CREB5: variants seen among roughly 807,000 people sequenced by gnomAD.
CREB5 encodes the protein cAMP responsive element binding protein 5.
In CREB5, 19 loss-of-function variants were observed where a neutral mutation model predicts 57.1. The ratio of observed to expected loss-of-function variants is 0.33; its 90% confidence interval spans 0.23 to 0.49. CREB5 has a LOEUF of 0.49. Ranked by LOEUF, CREB5 falls within the 20% of genes least tolerant of loss-of-function variation. CREB5 has a pLI of 0.99. For synonymous variants in CREB5, 238 were observed against 238.3 expected (o/e 1.00, Z 0.01); for missense variants, 579 against 671.6 (o/e 0.86, Z 1.52).
At chr7:28,410,352 G>T (rs1474874367), upstream of CREB5, 1 of 456,550 alleles carries the variant, frequency 2.2e-6, no homozygotes, top group African/African-American at 2.0e-5. Flanking sequence ...GAGCTTTGGC[G>T]GCGCCCAGGC....
At chr7:28,648,813 C>T (rs1799009819) in intron 5 of CREB5, among the ~76,000 whole-genome samples, 1 of 152,076 alleles carries the variant, frequency 6.6e-6, no homozygotes, top group Non-Finnish European at 1.5e-5. Context: ...TGAGAATTTC[C>T]ATAATATACT....
chr7:28,657,150 C>G (rs975280214), intron 5 of CREB5, among the ~76,000 whole-genome samples: 2 of 152,168 alleles, frequency 1.3e-5, no homozygotes, highest in Non-Finnish European at 1.5e-5. Context: ...ACCTGCCATA[C>G]TGACAGAGGG....
At chr7:28,715,187 T>A (rs947601351) in intron 5 of CREB5, among the ~76,000 whole-genome samples, 2 of 152,224 alleles carry the variant, frequency 1.3e-5, no homozygotes, top group African/African-American at 4.8e-5. Flanking sequence ...ACTGTGAATT[T>A]TTTAACATAA....
chr7:28,709,962 C>T (rs1248577241), intron 5 of CREB5, among the ~76,000 whole-genome samples: 1 of 152,162 alleles, frequency 6.6e-6, no homozygotes, highest in African/African-American at 2.4e-5. Flanking sequence ...AAAGTACGAC[C>T]TTATTGCAGG....
intron 9 of CREB5, among the ~76,000 whole-genome samples, chr7:28,816,055 G>GCACACACA (rs34917973): frequency 0.087 from 12,685 of 145,228 alleles, 600 homozygotes; most frequent in African/African-American, 0.12. Flanking sequence ...AAATATATAC[G>GCACACACA]CACACACACA....
intron 1 of CREB5, among the ~76,000 whole-genome samples, chr7:28,306,557 T>TG: frequency 1.6e-5 from 2 of 128,564 alleles, no homozygotes; most frequent in South Asian, 2.7e-4. Context: ...TTTTTTTTGT[T>TG]TTTTTTTTTT....
chr7:28,735,793 T>A (rs1459213012), intron 7 of CREB5, among the ~76,000 whole-genome samples: 1 of 152,064 alleles, frequency 6.6e-6, no homozygotes. Context: ...GCCATATTAC[T>A]GTGTGCTTCC....
chr7:28,799,996 G>C (rs955752650), intron 7 of CREB5, among the ~76,000 whole-genome samples: 2 of 152,152 alleles, frequency 1.3e-5, no homozygotes, highest in African/African-American at 4.8e-5. Context: ...TATGAATTCA[G>C]TGTATCATAT....
At chr7:28,736,824 CTTTT>C (rs35313065) in intron 7 of CREB5, among the ~76,000 whole-genome samples, 1 of 134,806 alleles carries the variant, frequency 7.4e-6, no homozygotes, top group Non-Finnish European at 1.6e-5. Flanking sequence ...CTCTCTCTCT[CTTTT>C]TTTTTTTTTT....
At chr7:28,465,682 C>A (rs1445954692) in intron 1 of CREB5, among the ~76,000 whole-genome samples, 1 of 152,170 alleles carries the variant, frequency 6.6e-6, no homozygotes, top group Non-Finnish European at 1.5e-5. Flanking sequence ...AAAGTACAAC[C>A]ATCACATAGA....
chr7:28,669,251 T>C (rs1398830916), intron 5 of CREB5, among the ~76,000 whole-genome samples: 1 of 152,182 alleles, frequency 6.6e-6, no homozygotes, highest in African/African-American at 2.4e-5. Context: ...GGGTACGTGT[T>C]GGTAAATAGT....
chr7:28,598,454 G>A (rs190208629), intron 5 of CREB5, among the ~76,000 whole-genome samples: 1 of 152,264 alleles, frequency 6.6e-6, no homozygotes, highest in Admixed American at 6.5e-5. Context: ...GTGTGGTGGG[G>A]TGTTTTTAAA....
chr7:28,303,371 A>G (rs565289580), intron 1 of CREB5, among the ~76,000 whole-genome samples: 1 of 152,338 alleles, frequency 6.6e-6, no homozygotes, highest in African/African-American at 2.4e-5. Flanking sequence ...GTAACATATG[A>G]TTACATTTCA....
In CREB5 at chr7:28,535,452, A is replaced by G. The variant is rs73301122; in HGVS notation, c.291+27715A>G. Among the ~76,000 whole-genome samples, 9 of 122,186 alleles carry G rather than the reference A, an allele frequency of 7.4e-5. 1 individual carries two copies. In the South Asian group the frequency reaches 2.1e-3, roughly 29 times the overall value. 80.2% of individuals were successfully genotyped at this position (122,186 alleles called of 152,430 possible). On this transcript the variant is annotated intron_variant, in intron 4 of 10. Coordinates refer to ENST00000357727, the MANE Select transcript of CREB5 (RefSeq NM_182898.4). ...AAGGAAGGAGAGAAGGAAGGAAAAA[A>G]TGGGAGTAGAAGTCTCATAATATTT... is the stretch of plus-strand genomic sequence containing the variant.
At chr7:28,609,437 G>A (rs1797302269) in intron 5 of CREB5, among the ~76,000 whole-genome samples, 1 of 152,176 alleles carries the variant, frequency 6.6e-6, no homozygotes. Context: ...TTTGTTAAGT[G>A]AATGTCATCC....
At chr7:28,391,712 T>C (rs1235516629) in intron 1 of CREB5, among the ~76,000 whole-genome samples, 1 of 152,214 alleles carries the variant, frequency 6.6e-6, no homozygotes. Flanking sequence ...CTGGATGTGG[T>C]TCTTCTCACC....
At chr7:28,305,995 T>G (rs1213041681) in intron 1 of CREB5, among the ~76,000 whole-genome samples, 2 of 152,142 alleles carry the variant, frequency 1.3e-5, no homozygotes, top group Non-Finnish European at 2.9e-5. Context: ...GTTTTTTTTT[T>G]GCAAAAGTGA....
At chr7:28,650,989 T>TGA (rs1799106034) in intron 5 of CREB5, among the ~76,000 whole-genome samples, 1 of 152,144 alleles carries the variant, frequency 6.6e-6, no homozygotes. Flanking sequence ...TTACAGGTTA[T>TGA]TTTCAGGAAT....
At position 28,804,494 on chromosome 7, in the gene CREB5, C is replaced by T. The variant is rs748680746; in HGVS notation, c.998C>T (p.Pro333Leu). ...HPAHHQTSPH[P>L]PLHTGNQAQV... ...GCACATCACCAGACCTCGCCACATC[C>T]GCCCCTGCACACCGGCAACCAAGCA... is the stretch of plus-strand genomic sequence containing the variant. The change falls in exon 8 of 11, where the codon CCG becomes CTG. Residue 333 changes from proline to leucine, a missense_variant. By Grantham distance (98) the Pro-to-Leu change is moderately conservative. Around this residue, in one of 3 missense-constraint regions of CREB5, gnomAD observed 459 missense variants for 515.7 expected, o/e 0.89. Coordinates refer to ENST00000357727, the MANE Select transcript of CREB5 (RefSeq NM_182898.4). 57 of 1,613,900 alleles carry T rather than the reference C, an allele frequency of 3.5e-5. No homozygotes were observed. Among genetic ancestry groups the T allele is most frequent in the Middle Eastern group, 1.6e-4 (1 of 6,084 alleles).
Sources: allele counts gnomAD v4.1 joint callset (sites outside exome capture counted in the v4.1 genomes callset), GRCh38; gene constraint gnomAD v4.1.1; regional missense constraint gnomAD v4.1.1; transcripts MANE v1.5; gene names NCBI Gene and HGNC (gene_info 2026-07-23, HGNC 2026-07-21).